TARBP1: variants seen among roughly 807,000 people sequenced by gnomAD.
The protein encoded by TARBP1 is tRNA (guanosine(18)-2'-O)-methyltransferase TARBP1.
A neutral mutation model predicts 178.6 loss-of-function variants in TARBP1; 144 were observed. The observed-to-expected ratio is 0.81, with a 90% confidence interval of 0.70 to 0.93. The LOEUF (loss-of-function observed/expected upper bound fraction) is 0.93, where lower values mean the gene tolerates loss of function less well. Among genes scored for constraint, TARBP1 ranks in the 40% least tolerant of loss-of-function variants. The pLI, the probability that TARBP1 is intolerant of heterozygous loss-of-function variation, is 0.00. For missense variants in TARBP1, 2,067 were observed against 2,011.7 expected (o/e 1.03, Z -0.53); for synonymous variants, 787 against 781.0 (o/e 1.01, Z -0.13).
At chr1:234,465,618 G>C (rs771186620) in intron 5 of TARBP1, 38 bp downstream of exon 5, 1 of 1,458,222 alleles carries the variant, frequency 6.9e-7, no homozygotes, top group South Asian at 1.4e-5. Context: ...AACATGAAAT[G>C]TATGTATCAA....
At chr1:234,418,265 C>T (rs1167297588) in intron 21 of TARBP1, 32 bp from the exon 22 acceptor site, 13 of 1,514,488 alleles carry the variant, frequency 8.6e-6, no homozygotes, top group Non-Finnish European at 1.1e-5. Flanking sequence ...TAACCAGTTA[C>T]AGTTATTCAT....
chr1:234,469,713 T>C (rs1668850182), intron 3 of TARBP1, among the ~76,000 whole-genome samples: 1 of 152,250 alleles, frequency 6.6e-6, no homozygotes, highest in Non-Finnish European at 1.5e-5. Flanking sequence ...CAAAACACTA[T>C]TGGGCTGCAT....
chr1:234,393,356 A>G lies in TARBP1; in HGVS notation c.4560+6T>C. 1 of 1,512,046 alleles carries G rather than the reference A, an allele frequency of 6.6e-7. No homozygotes were observed. Among genetic ancestry groups the G allele is most frequent in the South Asian group, 1.3e-5 (1 of 75,018 alleles). 93.7% of individuals were successfully genotyped at this position (1,512,046 alleles called of 1,614,324 possible). A position where few individuals can be genotyped will look rare whatever the true frequency, so the allele number is the denominator to read the frequency against. On this transcript the variant is annotated splice_donor_region_variant and intron_variant, in intron 28 of 29. Coordinates refer to ENST00000040877, the MANE Select transcript of TARBP1 (RefSeq NM_005646.4). Reference sequence around the variant, plus strand: ...GAACTTTAATAATAAATTACTTTCCACCCACCTCCACTAGAGGAAGCCACT... The same window carrying G: ...GAACTTTAATAATAAATTACTTTCCGCCCACCTCCACTAGAGGAAGCCACT...
chr1:234,438,921 C>G (rs1368755127), intron 12 of TARBP1, among the ~76,000 whole-genome samples: 1 of 152,104 alleles, frequency 6.6e-6, no homozygotes, highest in Non-Finnish European at 1.5e-5. Flanking sequence ...AAAGAAAAAC[C>G]TGACTACTAT....
chr1:234,459,387 G>A (rs759569492), intron 7 of TARBP1, 61 bp from the exon 8 acceptor site: 8 of 1,283,756 alleles, frequency 6.2e-6, no homozygotes, highest in African/African-American at 1.5e-5. Context: ...GATAATTTGT[G>A]ATTATCAACA....
chr1:234,418,313 CT>C, intron 21 of TARBP1, 80 bp from the exon 22 acceptor site: 1 of 1,290,008 alleles, frequency 7.8e-7, no homozygotes, highest in Non-Finnish European at 1.0e-6. Context: ...AATAAAATAG[CT>C]TAAAGTTTTT....
chr1:234,446,710 TC>T (rs1376580484), intron 12 of TARBP1, 92 bp downstream of exon 12: 2 of 919,026 alleles, frequency 2.2e-6, no homozygotes, highest in South Asian at 4.4e-5. Context: ...AAAAGTTTTC[TC>T]TTTGTTTTAA....
rs1019293847 is a variant in TARBP1 at position 234,391,609 on chromosome 1, G to A, written c.4834C>T (p.Gln1612Ter). ...ALLIWEYTRQQLLSHGDTKP is the reference protein window; with the variant it reads ...ALLIWEYTRQ ...TTGGTATCTCCGTGCGAGAGCAGCTGCTGCCTGGTGTACTCCCAGATCAGC... is the reference window on the plus strand; with the variant it reads ...TTGGTATCTCCGTGCGAGAGCAGCTACTGCCTGGTGTACTCCCAGATCAGC... Residue 1612 changes from glutamine to a stop codon, truncating the protein, a stop_gained, in exon 30 of 30, where the codon CAG becomes TAG. Transcript: ENST00000040877. LOFTEE classifies it low-confidence loss of function (END_TRUNC). 1 of 1,613,166 alleles carries A rather than the reference G, an allele frequency of 6.2e-7. No homozygotes were observed. Among genetic ancestry groups the A allele is most frequent in the East Asian group, 2.2e-5 (1 of 44,876 alleles).
intron 9 of TARBP1, among the ~76,000 whole-genome samples, chr1:234,452,776 T>C (rs1666904635): frequency 6.6e-6 from 1 of 152,156 alleles, no homozygotes; most frequent in African/African-American, 2.4e-5. Flanking sequence ...TTTACAGTAG[T>C]CTTACAACTG....
chr1:234,398,531 C>A lies in TARBP1; in HGVS notation c.4094G>T (p.Arg1365Leu). 6.3e-7 allele frequency: 1 copy of A among 1,589,090 alleles called. No individual in the cohort carries two copies. The highest frequency in any genetic ancestry group is 8.6e-7 in the Non-Finnish European group (1 of 1,164,716). The change falls in exon 26 of 30, where the codon CGC becomes CTC. Residue 1365 changes from arginine to leucine, a missense_variant. Physicochemically the swap from Arg to Leu is moderately radical, Grantham distance 102. Transcript: ENST00000040877. ...CLETIFYILP[R>L]LSGLIEDEWI... Reference sequence around the variant, plus strand: ...TTCATCTTCAATAAGGCCTGAAAGGCGTGGAAGGATGTAAAATATGGTCTG... The same window carrying A: ...TTCATCTTCAATAAGGCCTGAAAGGAGTGGAAGGATGTAAAATATGGTCTG...
intron 12 of TARBP1, among the ~76,000 whole-genome samples, chr1:234,438,090 A>G (rs1389409154): frequency 6.6e-6 from 1 of 152,220 alleles, no homozygotes; most frequent in Non-Finnish European, 1.5e-5. Flanking sequence ...CAAAACTGAC[A>G]GCAGAAGCAG....
chr1:234,429,339 A>G lies in TARBP1; in HGVS notation c.2872-15T>C. On this transcript the variant is annotated splice_polypyrimidine_tract_variant and intron_variant, in intron 16 of 29. Transcript: ENST00000040877. ...GAAGTCAGAAGCTGGTAGGAAAAAA[A>G]AAAATACATACTTATTTCAAAAACT... The G allele has an allele frequency of 6.4e-7, 1 of 1,568,094 alleles. No homozygotes were observed. The highest frequency in any genetic ancestry group is 1.2e-5 in the South Asian group (1 of 83,102).
intron 22 of TARBP1, among the ~76,000 whole-genome samples, chr1:234,413,144 G>A (rs759009322): frequency 1.3e-5 from 2 of 152,124 alleles, no homozygotes; most frequent in African/African-American, 2.4e-5. Context: ...ATATGTGAGC[G>A]AAGGAGCCAT....
chr1:234,392,940 C>A (rs369139658), intron 28 of TARBP1, among the ~76,000 whole-genome samples: 2 of 152,142 alleles, frequency 1.3e-5, no homozygotes, highest in South Asian at 2.1e-4. Context: ...AGGATGGTCT[C>A]GATCTCCTGA....
chr1:234,453,840 C>T (rs992043749), intron 9 of TARBP1, among the ~76,000 whole-genome samples: 1 of 152,090 alleles, frequency 6.6e-6, no homozygotes, highest in Admixed American at 6.6e-5. Context: ...TCTCACTGAC[C>T]ACTGTATTAC....
intron 6 of TARBP1, among the ~76,000 whole-genome samples, chr1:234,463,578 G>A (rs975586688): frequency 3.9e-5 from 6 of 152,052 alleles, no homozygotes; most frequent in Non-Finnish European, 4.4e-5. Context: ...AATTAGAAAC[G>A]ATGGCTAAAC....
intron 29 of TARBP1, 29 bp from the exon 30 acceptor site, chr1:234,391,774 T>C (rs772411612): frequency 2.5e-6 from 4 of 1,599,154 alleles, no homozygotes; most frequent in Non-Finnish European, 2.6e-6. Flanking sequence ...GAAAGATTAG[T>C]TTTCCTGTAA....
In TARBP1 at chr1:234,466,405, G is replaced by C. The variant is rs561042932; in HGVS notation, c.1249-697C>G. Among the ~76,000 whole-genome samples the C allele has an allele frequency of 2.6e-5, 4 of 152,148 alleles. No homozygotes were observed. The South Asian group carries it at 8.3e-4, about 32-fold the overall frequency. ...CGTGCACCTGTAGTCCCAGCTACTT[G>C]GGAGGCTGAGGCATAAGAATCCCTT... On this transcript the variant is annotated intron_variant, in intron 4 of 29. Coordinates refer to ENST00000040877, the MANE Select transcript of TARBP1 (RefSeq NM_005646.4).
intron 26 of TARBP1, among the ~76,000 whole-genome samples, chr1:234,395,274 A>T (rs542135161): frequency 1.3e-5 from 2 of 152,334 alleles, no homozygotes; most frequent in South Asian, 4.1e-4. Flanking sequence ...CCATTAAAAA[A>T]TTTTAAGAAG....
Sources: gnomAD v4.1 joint callset for allele counts (sites outside exome capture counted in the v4.1 genomes callset) on GRCh38, gnomAD v4.1.1 for gene constraint, MANE v1.5 for transcripts, NCBI Gene and HGNC (gene_info 2026-07-23, HGNC 2026-07-21) for gene names.